ERBB4: variants seen among roughly 807,000 people sequenced by gnomAD.
The protein encoded by ERBB4 is erb-b2 receptor tyrosine kinase 4.
In ERBB4, 42 loss-of-function variants were observed where a neutral mutation model predicts 158.0. The observed-to-expected ratio is 0.27, with a 90% confidence interval of 0.21 to 0.34. The LOEUF (loss-of-function observed/expected upper bound fraction) is 0.34. ERBB4 is among the 10% of genes least tolerant of loss of function. The pLI is 1.00. For synonymous variants in ERBB4, 583 were observed against 558.7 expected, an observed-to-expected ratio of 1.04 and a Z score of -0.61; for missense variants, 1,333 against 1,624.1, an observed-to-expected ratio of 0.82 and a Z score of 3.08.
At chr2:211,843,711 T>G (rs2077527630) in intron 3 of ERBB4, among the ~76,000 whole-genome samples, 1 of 146,566 alleles carries the variant, frequency 6.8e-6, no homozygotes, top group Admixed American at 6.7e-5. Context: ...CAAAAAAATA[T>G]TTTAATGAGC....
At chr2:211,771,284 C>T (rs1425230717) in intron 4 of ERBB4, among the ~76,000 whole-genome samples, 2 of 151,566 alleles carry the variant, frequency 1.3e-5, no homozygotes, top group Non-Finnish European at 2.9e-5. Context: ...CACAACATCT[C>T]TGCTGGTCAC....
intron 3 of ERBB4, among the ~76,000 whole-genome samples, chr2:211,917,056 A>G (rs1207079653): frequency 2.0e-5 from 3 of 152,256 alleles, no homozygotes; most frequent in East Asian, 3.9e-4. Flanking sequence ...AAGGGAGGCA[A>G]GGTGGCCACG....
chr2:212,065,375 C>G (rs572304057), intron 2 of ERBB4, among the ~76,000 whole-genome samples: 1 of 151,908 alleles, frequency 6.6e-6, no homozygotes, highest in Non-Finnish European at 1.5e-5. Flanking sequence ...ACAAAAAGAG[C>G]AAATTCAGTG....
At chr2:212,211,890 T>A (rs928833324) in intron 1 of ERBB4, among the ~76,000 whole-genome samples, 1 of 151,990 alleles carries the variant, frequency 6.6e-6, no homozygotes, top group African/African-American at 2.4e-5. Context: ...AAGGACATGA[T>A]CTCATTTCTT....
At chr2:212,446,878 T>A (rs2092367194) in intron 1 of ERBB4, among the ~76,000 whole-genome samples, 2 of 151,034 alleles carry the variant, frequency 1.3e-5, no homozygotes, top group South Asian at 4.2e-4. Context: ...TATGATTGTA[T>A]TCAATATATT....
rs376989174 is a variant in ERBB4, at chr2:212,139,197, AAAG to A, written c.83-14297_83-14295del. Reference sequence around the variant, plus strand: ...ATTCACATCATTCACTATGACACACAAAGAAGAGCCAAGGTGACATTTAGCAAA... The same window carrying A: ...ATTCACATCATTCACTATGACACACAAAGAGCCAAGGTGACATTTAGCAAA... On this transcript the variant is annotated intron_variant, in intron 1 of 27. Transcript: ENST00000342788. Among the ~76,000 whole-genome samples the A allele has an allele frequency of 1.4e-3, 210 of 152,262 alleles. No individual in the cohort carries two copies. The South Asian group carries it at 0.039, about 29-fold the overall frequency.
At chr2:211,600,034 T>C (rs1316449761) in intron 19 of ERBB4, among the ~76,000 whole-genome samples, 1 of 152,170 alleles carries the variant, frequency 6.6e-6, no homozygotes, top group Non-Finnish European at 1.5e-5. Flanking sequence ...AATCATTGAT[T>C]GTCCAAAGAA....
At position 211,713,656 on chromosome 2, in the gene ERBB4, A is replaced by C; in HGVS notation, c.884-8T>G. On this transcript the variant is annotated splice_region_variant and splice_polypyrimidine_tract_variant and intron_variant, in intron 7 of 27. Transcript: ENST00000342788. ...AATCTACCACAAAGTTATCTGATTA[A>C]AAAAAAAAAAAAGGTAAAATAAGCA... is the stretch of plus-strand genomic sequence containing the variant. 1.2e-6 allele frequency: 1 copy of C among 814,816 alleles called. No homozygotes were observed. The highest frequency in any genetic ancestry group is 1.7e-6 in the Non-Finnish European group (1 of 594,264). The allele number at this position is 814,816 out of a possible 1,614,324, so 50.5% of individuals were successfully genotyped here. A position where few individuals can be genotyped will look rare whatever the true frequency, so the allele number is the denominator to read the frequency against.
intron 20 of ERBB4, among the ~76,000 whole-genome samples, chr2:211,475,310 C>T (rs139190103): frequency 0.011 from 1,730 of 152,042 alleles, 41 homozygotes; most frequent in African/African-American, 0.04. Context: ...TAAATTTCTG[C>T]GAGTTAATTG....
chr2:211,847,430 T>G (rs946287267), intron 3 of ERBB4, among the ~76,000 whole-genome samples: 17 of 152,042 alleles, frequency 1.1e-4, no homozygotes, highest in Admixed American at 1.1e-3. Context: ...GAAGTTACAA[T>G]AAGGATTTGC....
intron 2 of ERBB4, among the ~76,000 whole-genome samples, chr2:211,954,689 A>G (rs959706886): frequency 7.2e-5 from 11 of 152,032 alleles, no homozygotes; most frequent in African/African-American, 2.4e-4. Flanking sequence ...TTCTGCTGGT[A>G]ATGACTGCAG....
chr2:211,516,951 C>A (rs2066050644), intron 20 of ERBB4, among the ~76,000 whole-genome samples: 1 of 152,118 alleles, frequency 6.6e-6, no homozygotes, highest in Admixed American at 6.5e-5. Context: ...TCTTTCCCAC[C>A]ATCAGGTTCT....
intron 19 of ERBB4, among the ~76,000 whole-genome samples, chr2:211,599,045 A>G (rs13015705): frequency 0.77 from 116,621 of 151,662 alleles, 47,720 homozygotes; most frequent in Non-Finnish European, 0.9. Flanking sequence ...AGATTAAACA[A>G]GGTAAGATAC....
intron 2 of ERBB4, among the ~76,000 whole-genome samples, chr2:211,948,235 G>C (rs556005161): frequency 1.3e-3 from 204 of 152,082 alleles, no homozygotes; most frequent in Non-Finnish European, 2.2e-3. Context: ...AAGAGATCGA[G>C]ACCATTCTGG....
At chr2:211,693,407 A>G (rs2072894580) in intron 12 of ERBB4, among the ~76,000 whole-genome samples, 1 of 152,136 alleles carries the variant, frequency 6.6e-6, no homozygotes, top group Admixed American at 6.6e-5. Flanking sequence ...CCCACTATTT[A>G]TAGAATGCTT....
intron 2 of ERBB4, among the ~76,000 whole-genome samples, chr2:212,005,032 A>G (rs1033448451): frequency 3.3e-5 from 5 of 152,140 alleles, no homozygotes; most frequent in African/African-American, 1.2e-4. Flanking sequence ...GATATTAGCT[A>G]TATGATTGAA....
At chr2:212,430,363 C>T (rs1200460305) in intron 1 of ERBB4, among the ~76,000 whole-genome samples, 1 of 151,576 alleles carries the variant, frequency 6.6e-6, no homozygotes, top group African/African-American at 2.4e-5. Flanking sequence ...AGAGAAATTC[C>T]ATAAAATGAA....
intron 4 of ERBB4, chr2:211,777,614 C>A (rs76936076): frequency 0.23 from 34,378 of 152,084 alleles, 5,075 homozygotes; most frequent in Middle Eastern, 0.35. Flanking sequence ...CTAAATGAAT[C>A]ATCATCCAAG....
chr2:212,462,851 C>T (rs1688643637), intron 1 of ERBB4, among the ~76,000 whole-genome samples: 1 of 152,024 alleles, frequency 6.6e-6, no homozygotes, highest in African/African-American at 2.4e-5. Context: ...TGGAATCAAA[C>T]TAAGTATCTA....
Sources: gnomAD v4.1 joint callset for allele counts (sites outside exome capture counted in the v4.1 genomes callset) on GRCh38, gnomAD v4.1.1 for gene constraint, MANE v1.5 for transcripts, NCBI Gene and HGNC (gene_info 2026-07-23, HGNC 2026-07-21) for gene names.